GPR107: variants seen among roughly 807,000 people sequenced by gnomAD.
GPR107 encodes G protein-coupled receptor 107.
A neutral mutation model predicts 75.5 loss-of-function variants in GPR107; 31 were observed. The ratio of observed to expected loss-of-function variants is 0.41; its 90% CI spans 0.31 to 0.55. The LOEUF is 0.55. Among genes scored for constraint, GPR107 ranks in the 20% least tolerant of loss-of-function variants. GPR107 has a pLI of 0.26. For missense variants in GPR107, 572 were observed against 665.7 expected (o/e 0.86, Z 1.55); for synonymous variants, 267 against 251.3 (o/e 1.06, Z -0.59).
intron 13 of GPR107, among the ~76,000 whole-genome samples, chr9:130,107,019 A>G (rs1478722543): frequency 2.0e-5 from 3 of 152,208 alleles, no homozygotes; most frequent in African/African-American, 7.2e-5. Context: ...GGAGGCTGGC[A>G]TTTTTCAGCA....
In GPR107 at chr9:130,136,827, C is replaced by G. The variant is rs782217333; in HGVS notation, c.*1706C>G. 4 of 152,166 alleles carry G rather than the reference C, an allele frequency of 2.6e-5. No homozygotes were observed. Among genetic ancestry groups the G allele is most frequent in the Non-Finnish European group, 5.9e-5 (4 of 68,034 alleles). 9.4% of individuals were successfully genotyped at this position (152,166 alleles called of 1,614,324 possible). ...TGTGGAGGAAGAGCAAGCGCCTTCC[C>G]AGGCCACAGCTGCTCACCTCTCGGC... On this transcript the variant is annotated 3_prime_UTR_variant, in exon 18 of 18. Transcript: ENST00000347136.
intron 14 of GPR107, among the ~76,000 whole-genome samples, chr9:130,117,479 G>A (rs1022482403): frequency 6.6e-6 from 1 of 152,056 alleles, no homozygotes; most frequent in Non-Finnish European, 1.5e-5. Context: ...GTCAGCCCGT[G>A]GCCTGCGTCC....
In GPR107 at chr9:130,128,657, C is replaced by A. The variant is rs140353305; in HGVS notation, c.1458C>A (p.Ala486=). 801 of 1,611,420 alleles carry A rather than the reference C, an allele frequency of 5.0e-4. No individual in the cohort carries two copies. The highest frequency in any genetic ancestry group is 6.2e-4 in the Admixed American group (37 of 59,994). ...ACTTGCAGCTCCTGGATGAAACGGC[C>A]ACACTGGTCTTCTTTGTTCTAACGG... ...KWLYQLLDET[A]TLVFFVLTGY... Residue 486 remains alanine (A), a synonymous_variant, in exon 17 of 18, where the codon GCC becomes GCA. Transcript: ENST00000347136.
At chr9:130,094,036 A>T (rs1830804164) in intron 9 of GPR107, among the ~76,000 whole-genome samples, 1 of 151,920 alleles carries the variant, frequency 6.6e-6, no homozygotes, top group Admixed American at 6.6e-5. Flanking sequence ...GCTGGTCTTG[A>T]ACTGCTGACC....
At chr9:130,132,457 C>T (rs1480549540) in intron 17 of GPR107, among the ~76,000 whole-genome samples, 1 of 152,220 alleles carries the variant, frequency 6.6e-6, no homozygotes, top group Non-Finnish European at 1.5e-5. Context: ...CTCTCCCTGC[C>T]ACTCTCCTTC....
At chr9:130,134,783 T>C (rs1419196310) in intron 17 of GPR107, among the ~76,000 whole-genome samples, 2 of 152,258 alleles carry the variant, frequency 1.3e-5, no homozygotes, top group African/African-American at 2.4e-5. Flanking sequence ...TTAGGCACTC[T>C]GGAGAATCTC....
intron 14 of GPR107, chr9:130,110,395 G>A: frequency 1.3e-6 from 2 of 1,540,428 alleles, no homozygotes; most frequent in Non-Finnish European, 1.8e-6. Context: ...CTCTTCAGCA[G>A]AGAGCGAATC....
intron 9 of GPR107, among the ~76,000 whole-genome samples, chr9:130,093,062 T>C (rs1211561197): frequency 2.6e-5 from 4 of 152,224 alleles, no homozygotes. Context: ...TTAGTGACGA[T>C]GAGCACTGCC....
chr9:130,123,218 T>C (rs2132646031), intron 14 of GPR107, among the ~76,000 whole-genome samples: 1 of 152,216 alleles, frequency 6.6e-6, no homozygotes, highest in East Asian at 1.9e-4. Context: ...AAATTTTTTT[T>C]TTTTGAAACA....
At chr9:130,083,731 C>T (rs1176947191) in intron 6 of GPR107, 129 bp downstream of exon 6, 4 of 481,178 alleles carry the variant, frequency 8.3e-6, no homozygotes, top group East Asian at 3.4e-5. Context: ...CATATACAGT[C>T]GTCCCTTGGT....
chr9:130,097,732 A>G (rs1299673956), intron 9 of GPR107, among the ~76,000 whole-genome samples: 10 of 143,334 alleles, frequency 7.0e-5, no homozygotes, highest in African/African-American at 7.8e-5. Context: ...TTTTTGAGAC[A>G]GGGTCTCACT....
intron 14 of GPR107, chr9:130,110,528 G>C: frequency 1.4e-6 from 1 of 716,982 alleles, no homozygotes; most frequent in Non-Finnish European, 2.6e-6. Context: ...GAGGGACAGA[G>C]CAGATTAGAA....
At chr9:130,111,773 C>G (rs1369717602) in intron 14 of GPR107, among the ~76,000 whole-genome samples, 1 of 152,068 alleles carries the variant, frequency 6.6e-6, no homozygotes, top group African/African-American at 2.4e-5. Context: ...TTTGTTGTCT[C>G]TGGATTCCTT....
chr9:130,074,768 TA>T (rs1830301125), intron 1 of GPR107, among the ~76,000 whole-genome samples: 1 of 152,086 alleles, frequency 6.6e-6, no homozygotes, highest in African/African-American at 2.4e-5. Context: ...CCTTTTTAAA[TA>T]ATTGACTTAT....
At chr9:130,126,779 T>TC (rs1439020469) in intron 15 of GPR107, among the ~76,000 whole-genome samples, 1 of 152,182 alleles carries the variant, frequency 6.6e-6, no homozygotes, top group African/African-American at 2.4e-5. Context: ...TTGATTTTTT[T>TC]TTTCTTTCTT....
At chr9:130,072,906 G>A (rs1301514828) in intron 1 of GPR107, among the ~76,000 whole-genome samples, 1 of 152,114 alleles carries the variant, frequency 6.6e-6, no homozygotes, top group East Asian at 1.9e-4. Context: ...AAACTTTATT[G>A]AAATGTAATA....
chr9:130,096,219 G>A (rs1328117278), intron 9 of GPR107, among the ~76,000 whole-genome samples: 6 of 152,110 alleles, frequency 3.9e-5, no homozygotes, highest in Non-Finnish European at 7.4e-5. Flanking sequence ...AATCTCATTG[G>A]CATTCAGTAG....
At chr9:130,060,518 C>T (rs1030627972) in intron 1 of GPR107, among the ~76,000 whole-genome samples, 13 of 148,638 alleles carry the variant, frequency 8.7e-5, no homozygotes, top group Non-Finnish European at 7.4e-5. Flanking sequence ...CTCCTGGGCT[C>T]AAGCCATCTT....
intron 17 of GPR107, among the ~76,000 whole-genome samples, chr9:130,134,673 CAT>C (rs1380710038): frequency 6.6e-6 from 1 of 152,254 alleles, no homozygotes; most frequent in Non-Finnish European, 1.5e-5. Flanking sequence ...ATTTCAGTCT[CAT>C]AAGCGTAACT....
Sources: gnomAD v4.1 joint callset for allele counts (sites outside exome capture counted in the v4.1 genomes callset) on GRCh38, gnomAD v4.1.1 for gene constraint, MANE v1.5 for transcripts, NCBI Gene and HGNC (gene_info 2026-07-23, HGNC 2026-07-21) for gene names.